The following ACVRL1 variants were observed in gnomAD, a reference collection of about 807,000 sequenced individuals.
ACVRL1 encodes the protein activin receptor type-1-like.
In ACVRL1, 20 loss-of-function variants were observed where a neutral mutation model predicts 51.9. The ratio of observed to expected loss-of-function variants is 0.39; its 90% CI spans 0.27 to 0.56. The LOEUF is 0.56. Ranked by LOEUF, ACVRL1 falls within the 20% of genes least tolerant of loss-of-function variation. The probability of loss-of-function intolerance (pLI) is 0.67; values close to 1 mark genes in which losing one functional copy is unlikely to be tolerated. For synonymous variants in ACVRL1, 288 were observed against 280.9 expected, an observed-to-expected ratio of 1.03 and a Z score of -0.25; for missense variants, 451 against 670.3, an observed-to-expected ratio of 0.67 and a Z score of 3.61.
intron 8 of ACVRL1, among the ~76,000 whole-genome samples, chr12:51,918,655 G>C (rs2139083113): frequency 6.6e-6 from 1 of 152,274 alleles, no homozygotes; most frequent in Admixed American, 6.5e-5. Flanking sequence ...GTGGAACCTT[G>C]GGCCCCCCTT....
chr12:51,915,951 A>G, intron 7 of ACVRL1, 85 bp from the exon 8 acceptor site: 3 of 1,465,680 alleles, frequency 2.0e-6, no homozygotes, highest in Non-Finnish European at 2.8e-6. Flanking sequence ...TCTCTGTCCC[A>G]CTGTTTCTCT....
At position 51,917,585 on chromosome 12, in the gene ACVRL1, A is replaced by T. The variant is rs1464533377; in HGVS notation, c.1246+1352A>T. Among the ~76,000 whole-genome samples the T allele has an allele frequency of 2.6e-5, 4 of 151,676 alleles. No individual in the cohort carries two copies. Among genetic ancestry groups the T allele is most frequent in the Admixed American group, 2.6e-4 (4 of 15,222 alleles). On this transcript the variant is annotated intron_variant, in intron 8 of 9. Transcript: ENST00000388922. The surrounding 1 kb of genome is among the most constrained non-coding windows in gnomAD (Gnocchi z 4.2). ...GCTTCTTGGGGACAAGGATGTCCTC[A>T]TTTCCTGAGCATCTACCAGGAGCCA...
At chr12:51,918,871 G>A in intron 8 of ACVRL1, 114 bp from the exon 9 acceptor site, 1 of 1,484,268 alleles carries the variant, frequency 6.7e-7, no homozygotes, top group Non-Finnish European at 9.4e-7. Flanking sequence ...GGGGTAGCGT[G>A]TCCAGGCCAC....
chr12:51,916,240 GC>G lies in ACVRL1; in HGVS notation c.1246+10del. ...CGCCGGACCATCGTGAATGGTGAGG[GC>G]CCACCCTACACAGGGTAGGGAAAGG... On this transcript the variant is annotated splice_region_variant and intron_variant, in intron 8 of 9. Transcript: ENST00000388922. 6.2e-7 allele frequency: 1 copy of G among 1,613,480 alleles called. No individual in the cohort carries two copies. Among genetic ancestry groups the G allele is most frequent in the African/African-American group, 1.3e-5 (1 of 75,046 alleles).
chr12:51,920,931 T>TGGGGGGTGGGGGGGGGGGGGGGG lies in ACVRL1; in HGVS notation c.*44_*45insTGGGGGGGGGGGGGGGGGGGGGG. ...TGATTCCTTTCTGCCTGCAGGGGGC[T>TGGGGGGTGGGGGGGGGGGGGGGG]GGGGGGGTGGGGGGCAGTGGATGGT... is the stretch of plus-strand genomic sequence containing the variant. On this transcript the variant is annotated 3_prime_UTR_variant, in exon 10 of 10. Coordinates refer to ENST00000388922, the MANE Select transcript of ACVRL1 (RefSeq NM_000020.3). 3 of 203,022 alleles carry TGGGGGGTGGGGGGGGGGGGGGGG rather than the reference T, an allele frequency of 1.5e-5. No individual in the cohort carries two copies. Among genetic ancestry groups the TGGGGGGTGGGGGGGGGGGGGGGG allele is most frequent in the African/African-American group, 7.7e-5 (1 of 13,040 alleles). 12.6% of individuals were successfully genotyped at this position (203,022 alleles called of 1,614,324 possible). A position where few individuals can be genotyped will look rare whatever the true frequency, so the allele number is the denominator to read the frequency against.
chr12:51,918,021 A>C (rs1199057088), intron 8 of ACVRL1, among the ~76,000 whole-genome samples: 1 of 152,224 alleles, frequency 6.6e-6, no homozygotes. Context: ...GGCCATGGGG[A>C]GAACAGCTGG....
In ACVRL1 at chr12:51,907,690, C is replaced by G. The variant is rs1940621891; in HGVS notation, c.-11C>G. ...GCGCCCCGCCACCCGCAGAGCGGGCCCAGAGGTGAGTCGAGGTCCGCGGAC... is the reference window on the plus strand; with the variant it reads ...GCGCCCCGCCACCCGCAGAGCGGGCGCAGAGGTGAGTCGAGGTCCGCGGAC... On this transcript the variant is annotated 5_prime_UTR_variant, in exon 1 of 10. Transcript: ENST00000388922. The surrounding 1 kb of genome is among the most constrained non-coding windows in gnomAD (Gnocchi z 4.5). 1 of 152,198 alleles carries G rather than the reference C, an allele frequency of 6.6e-6. No homozygotes were observed. The highest frequency in any genetic ancestry group is 2.4e-5 in the African/African-American group (1 of 41,462). The allele number at this position is 152,198 out of a possible 1,614,324, so 9.4% of individuals were successfully genotyped here.
chr12:51,916,969 G>A (rs540370671), intron 8 of ACVRL1, among the ~76,000 whole-genome samples: 2 of 152,140 alleles, frequency 1.3e-5, no homozygotes, highest in South Asian at 4.1e-4. Context: ...GTGAGACCCT[G>A]TCTCAAAAAA....
At chr12:51,915,594 A>C in intron 7 of ACVRL1, 94 bp downstream of exon 7, 1 of 1,466,778 alleles carries the variant, frequency 6.8e-7, no homozygotes, top group Non-Finnish European at 9.1e-7. Context: ...CATGATTAGC[A>C]CTTGAAAATT....
intron 1 of ACVRL1, among the ~76,000 whole-genome samples, chr12:51,911,689 C>T (rs74659204): frequency 0.018 from 2,765 of 152,312 alleles, 62 homozygotes; most frequent in African/African-American, 0.055. Flanking sequence ...TCCTGTCTGA[C>T]CCGGGACAAG....
At chr12:51,919,345 C>G in intron 9 of ACVRL1, 3 of 604,298 alleles carry the variant, frequency 5.0e-6, no homozygotes, top group Non-Finnish European at 8.8e-6. Context: ...TGTGAAAAGT[C>G]AGAGGCTATC....
Position 51,915,417 on chromosome 12 carries a change from G to A in ACVRL1, c.965G>A (p.Gly322Asp), listed in dbSNP as rs748136586. Residue 322 changes from glycine to aspartate, a missense_variant, in exon 7 of 10, where the codon GGC (glycine) becomes GAC (aspartate). By Grantham distance (94) the Gly-to-Asp change is moderately conservative (BLOSUM62 -1). Coordinates refer to ENST00000388922, the MANE Select transcript of ACVRL1 (RefSeq NM_000020.3). ...HLHVEIFGTQ[G>D]KPAIAHRDFK... ...CACGTGGAGATCTTCGGTACACAGG[G>A]CAAACCAGCCATTGCCCACCGCGAC... is the stretch of plus-strand genomic sequence containing the variant. 6.2e-7 allele frequency: 1 copy of A among 1,613,510 alleles called. No homozygotes were observed. The highest frequency in any genetic ancestry group is 1.1e-5 in the South Asian group (1 of 91,072).
chr12:51,914,327 G>A, intron 5 of ACVRL1, 112 bp from the exon 6 acceptor site: 3 of 1,492,016 alleles, frequency 2.0e-6, no homozygotes, highest in Non-Finnish European at 2.8e-6. Context: ...CTAAGGGTCT[G>A]GGGTTCTGTG....
intron 1 of ACVRL1, among the ~76,000 whole-genome samples, chr12:51,908,287 A>G (rs1328699437): frequency 6.6e-6 from 1 of 152,130 alleles, no homozygotes; most frequent in Non-Finnish European, 1.5e-5. Context: ...TTTTCCATGG[A>G]GGCCAGTGCT....
chr12:51,915,192 C>G (rs1221912171), intron 6 of ACVRL1, 33 bp from the exon 7 acceptor site: 1 of 1,613,832 alleles, frequency 6.2e-7, no homozygotes. Context: ...GCCCCAGCCC[C>G]TTGGCTGAGT....
At position 51,907,956 on chromosome 12, in the gene ACVRL1, C is replaced by T. The variant is rs1244376110; in HGVS notation, c.-6+261C>T. ...GGGTGACCTGGGGTCAGTGACTTCA[C>T]TTCTCTGTTCTCCTACCCTCTTCAT... On this transcript the variant is annotated intron_variant, in intron 1 of 9. Coordinates refer to ENST00000388922, the MANE Select transcript of ACVRL1 (RefSeq NM_000020.3). This position sits in a 1 kb window ranked among gnomAD's most constrained non-coding sequence, Gnocchi z 4.5. Among the ~76,000 whole-genome samples, 1 of 152,218 alleles carries T rather than the reference C, an allele frequency of 6.6e-6. No homozygotes were observed. The highest frequency in any genetic ancestry group is 1.9e-4 in the East Asian group (1 of 5,196).
intron 7 of ACVRL1, 194 bp from the exon 8 acceptor site, chr12:51,915,842 A>G: frequency 1.5e-6 from 1 of 667,090 alleles, no homozygotes; most frequent in East Asian, 2.8e-5. Context: ...TTGGGAACCT[A>G]GAGAGCACTA....
rs1379093646 is a variant in ACVRL1 at position 51,920,945 on chromosome 12, G to A, written c.*52G>A. 7 of 740,374 alleles carry A rather than the reference G, an allele frequency of 9.5e-6. No individual in the cohort carries two copies. The highest frequency in any genetic ancestry group is 3.0e-5 in the South Asian group (2 of 67,680). 45.9% of individuals were successfully genotyped at this position (740,374 alleles called of 1,614,324 possible). On this transcript the variant is annotated 3_prime_UTR_variant, in exon 10 of 10. Coordinates refer to ENST00000388922, the MANE Select transcript of ACVRL1 (RefSeq NM_000020.3). ...CTGCAGGGGGCTGGGGGGGTGGGGG[G>A]CAGTGGATGGTGCCCTATCTGGGTA...
At chr12:51,909,164 C>T (rs536710330) in intron 1 of ACVRL1, among the ~76,000 whole-genome samples, 5 of 152,296 alleles carry the variant, frequency 3.3e-5, no homozygotes, top group African/African-American at 1.2e-4. Context: ...TTTTATCAAT[C>T]CTTCAGGTGT....
Sources: gnomAD v4.1 joint callset for allele counts (sites outside exome capture counted in the v4.1 genomes callset) on GRCh38, gnomAD v4.1.1 for gene constraint, Gnocchi (gnomAD v3.1) non-coding constraint, MANE v1.5 for transcripts, NCBI Gene and HGNC (gene_info 2026-07-23, HGNC 2026-07-21) for gene names.